Variants in KAT6B observed in about 807,000 individuals in gnomAD.
KAT6B encodes the protein lysine acetyltransferase 6B, also known as histone acetyltransferase KAT6B.
A neutral mutation model predicts 187.5 loss-of-function variants in KAT6B; 10 were observed. The observed-to-expected ratio is 0.05, with a 90% CI of 0.03 to 0.09. The LOEUF is 0.09. Among genes scored for constraint, KAT6B ranks in the 10% least tolerant of loss-of-function variants. The pLI is 1.00. For missense variants in KAT6B, 1,952 were observed against 2,558.9 expected, an observed-to-expected ratio of 0.76 and a Z score of 5.12; for synonymous variants, 861 against 926.8, an observed-to-expected ratio of 0.93 and a Z score of 1.29.
chr10:74,971,070 T>G (rs1455052740), intron 6 of KAT6B, among the ~76,000 whole-genome samples: 1 of 152,176 alleles, frequency 6.6e-6, no homozygotes. Context: ...ATCTCACTAC[T>G]CCCTGCTGTC....
At chr10:74,971,850 T>A (rs1841865938) in intron 6 of KAT6B, among the ~76,000 whole-genome samples, 1 of 152,172 alleles carries the variant, frequency 6.6e-6, no homozygotes, top group South Asian at 2.1e-4. Context: ...TAATTCCTCT[T>A]CCAGATAGAT....
chr10:75,023,579 A>ATT (rs1292972679), intron 16 of KAT6B: 1 of 152,244 alleles, frequency 6.6e-6, no homozygotes, highest in African/African-American at 2.4e-5. Flanking sequence ...ATATTAGGGA[A>ATT]AATTCTCATG....
At chr10:74,858,701 T>C (rs1467207209) in intron 3 of KAT6B, among the ~76,000 whole-genome samples, 1 of 152,128 alleles carries the variant, frequency 6.6e-6, no homozygotes, top group Non-Finnish European at 1.5e-5. Flanking sequence ...ATGCCTGTAA[T>C]CCCAGCATTT....
At chr10:74,846,340 A>T (rs1170994877) in intron 3 of KAT6B, among the ~76,000 whole-genome samples, 1 of 152,230 alleles carries the variant, frequency 6.6e-6, no homozygotes, top group Non-Finnish European at 1.5e-5. Context: ...TTAAAAGAAA[A>T]TACAAAAAGC....
intron 3 of KAT6B, among the ~76,000 whole-genome samples, chr10:74,894,020 C>T (rs537549969): frequency 6.6e-6 from 1 of 152,288 alleles, no homozygotes; most frequent in East Asian, 1.9e-4. Flanking sequence ...GGTCACGTCC[C>T]CATATTGGCA....
intron 3 of KAT6B, among the ~76,000 whole-genome samples, chr10:74,872,307 T>G (rs532018922): frequency 6.6e-6 from 1 of 152,332 alleles, no homozygotes; most frequent in South Asian, 2.1e-4. Flanking sequence ...TGACAACTTG[T>G]GAGGATTCTG....
chr10:74,913,756 C>T (rs970981180), intron 3 of KAT6B, among the ~76,000 whole-genome samples: 17 of 152,230 alleles, frequency 1.1e-4, no homozygotes, highest in Admixed American at 3.3e-4. Flanking sequence ...TTCTGGAGGC[C>T]AGGAGTAAAC....
chr10:74,979,477 A>G lies in KAT6B; in HGVS notation c.2231+138A>G, dbSNP rs150535622. On this transcript the variant is annotated intron_variant, in intron 10 of 17. Transcript: ENST00000287239. Reference sequence around the variant, plus strand: ...GTCAATGCCAAGTGCTTCCCAAACTATTGCTTTTGCCAGCACCTTTTTATG... The same window carrying G: ...GTCAATGCCAAGTGCTTCCCAAACTGTTGCTTTTGCCAGCACCTTTTTATG... 6 of 708,478 alleles carry G rather than the reference A, an allele frequency of 8.5e-6. No individual in the cohort carries two copies. The Admixed American group carries it at 1.0e-4, about 12-fold the overall frequency. 43.9% of individuals were successfully genotyped at this position (708,478 alleles called of 1,614,324 possible). A position where few individuals can be genotyped will look rare whatever the true frequency, so the allele number is the denominator to read the frequency against.
At chr10:74,888,920 A>G (rs1385620061) in intron 3 of KAT6B, among the ~76,000 whole-genome samples, 3 of 152,236 alleles carry the variant, frequency 2.0e-5, no homozygotes, top group Non-Finnish European at 2.9e-5. Flanking sequence ...TATTACATTT[A>G]TATTTGTAAA....
At chr10:74,964,763 T>C (rs988312496) in intron 4 of KAT6B, among the ~76,000 whole-genome samples, 5 of 152,198 alleles carry the variant, frequency 3.3e-5, no homozygotes, top group Admixed American at 1.3e-4. Context: ...GGATTTCCTA[T>C]ATTCAGCAAG....
At chr10:75,020,316 C>G (rs553923078) in intron 13 of KAT6B, among the ~76,000 whole-genome samples, 1 of 152,264 alleles carries the variant, frequency 6.6e-6, no homozygotes, top group African/African-American at 2.4e-5. Flanking sequence ...AGCTTTTAGT[C>G]TTTGTTAAAT....
chr10:74,923,558 A>G (rs1290426580), intron 3 of KAT6B, among the ~76,000 whole-genome samples: 1 of 152,184 alleles, frequency 6.6e-6, no homozygotes, highest in Non-Finnish European at 1.5e-5. Context: ...AGAAAGTGAC[A>G]TTTAACTTGA....
At chr10:74,840,720 A>G (rs1404711663) in intron 2 of KAT6B, among the ~76,000 whole-genome samples, 2 of 152,180 alleles carry the variant, frequency 1.3e-5, no homozygotes, top group African/African-American at 2.4e-5. Flanking sequence ...TGAGGGGAGA[A>G]TGAGTAGAGT....
chr10:74,913,911 A>T (rs913114133), intron 3 of KAT6B, among the ~76,000 whole-genome samples: 1 of 152,068 alleles, frequency 6.6e-6, no homozygotes, highest in Non-Finnish European at 1.5e-5. Flanking sequence ...ACTGGCTGGG[A>T]GTGGTGGCTC....
chr10:74,955,391 C>CG (rs1011601545), intron 3 of KAT6B, among the ~76,000 whole-genome samples: 1 of 146,716 alleles, frequency 6.8e-6, no homozygotes, highest in Non-Finnish European at 1.5e-5. Context: ...TATCCCCCCC[C>CG]CCCCAACTTT....
At chr10:74,946,031 T>A (rs529902336) in intron 3 of KAT6B, among the ~76,000 whole-genome samples, 1 of 152,350 alleles carries the variant, frequency 6.6e-6, no homozygotes, top group Non-Finnish European at 1.5e-5. Context: ...TGTTCTTAAA[T>A]CTTTGAAATA....
chr10:75,006,538 C>G (rs1389079865), intron 13 of KAT6B, among the ~76,000 whole-genome samples: 1 of 152,140 alleles, frequency 6.6e-6, no homozygotes, highest in Non-Finnish European at 1.5e-5. Flanking sequence ...GCAGCCTCAC[C>G]TCCTAGACTC....
chr10:74,996,218 C>T (rs185561574), intron 13 of KAT6B, among the ~76,000 whole-genome samples: 3 of 152,288 alleles, frequency 2.0e-5, no homozygotes, highest in East Asian at 3.9e-4. Flanking sequence ...ACATCAGCAA[C>T]CAAAAGGGAA....
chr10:74,832,527 G>C (rs1840935097), intron 1 of KAT6B, among the ~76,000 whole-genome samples: 1 of 152,070 alleles, frequency 6.6e-6, no homozygotes, highest in African/African-American at 2.4e-5. Flanking sequence ...TTGAGATAGA[G>C]TTTTGCTCTT....
Sources: gnomAD v4.1 joint callset for allele counts (sites outside exome capture counted in the v4.1 genomes callset) on GRCh38, gnomAD v4.1.1 for gene constraint, MANE v1.5 for transcripts, NCBI Gene and HGNC (gene_info 2026-07-23, HGNC 2026-07-21) for gene names.